The following NID1 variants were observed in gnomAD, a reference collection of about 807,000 sequenced individuals.
NID1 encodes nidogen-1.
Under a neutral mutation model 130.6 loss-of-function variants are expected in NID1, and 76 were observed. That is an observed-to-expected ratio of 0.58 (90% confidence interval 0.48 to 0.70). The LOEUF (loss-of-function observed/expected upper bound fraction) is 0.70. Ranked by LOEUF, NID1 falls within the 30% of genes least tolerant of loss-of-function variation. NID1 has a pLI of 0.00. For synonymous variants in NID1, 665 were observed against 675.1 expected (o/e 0.98, Z 0.23); for missense variants, 1,517 against 1,664.8 (o/e 0.91, Z 1.54).
chr1:236,044,468 C>G (rs1276148025), intron 3 of NID1, among the ~76,000 whole-genome samples: 1 of 152,094 alleles, frequency 6.6e-6, no homozygotes, highest in African/African-American at 2.4e-5. Flanking sequence ...TTTCTGAACT[C>G]TTCAATGAGT....
In NID1 at chr1:236,045,771, C is replaced by T. The variant is rs181471830; in HGVS notation, c.526-88G>A. ...TTCGCCAGACTATCTATAAAGCGTA[C>T]AGTGCTATAGAGCGATGGCAATATT... On this transcript the variant is annotated intron_variant, in intron 2 of 19. Coordinates refer to ENST00000264187, the MANE Select transcript of NID1 (RefSeq NM_002508.3). The T allele has an allele frequency of 1.4e-4, 142 of 1,031,076 alleles. 1 individual carries two copies. The highest frequency in any genetic ancestry group is 2.7e-5 in the Non-Finnish European group (19 of 698,340). The allele number at this position is 1,031,076 out of a possible 1,614,324, so 63.9% of individuals were successfully genotyped here. A position where few individuals can be genotyped will look rare whatever the true frequency, so the allele number is the denominator to read the frequency against.
intron 12 of NID1, among the ~76,000 whole-genome samples, chr1:236,011,658 C>A (rs577752923): frequency 2.3e-4 from 35 of 152,342 alleles, no homozygotes; most frequent in African/African-American, 8.4e-4. Flanking sequence ...CCCACCTCAA[C>A]AACCCTTAGA....
At chr1:236,045,414 A>G in intron 3 of NID1, 43 bp downstream of exon 3, 1 of 1,400,886 alleles carries the variant, frequency 7.1e-7, no homozygotes, top group East Asian at 2.3e-5. Flanking sequence ...CCACATTAAA[A>G]AATATTAAGA....
intron 11 of NID1, among the ~76,000 whole-genome samples, 169 bp from the exon 12 acceptor site, chr1:236,012,212 C>G (rs1275744598): frequency 6.6e-6 from 1 of 152,210 alleles, no homozygotes; most frequent in African/African-American, 2.4e-5. Context: ...TCCCCAATAT[C>G]TATCTGTCGT....
chr1:235,980,965 G>A (rs1352125085), intron 16 of NID1, among the ~76,000 whole-genome samples: 1 of 152,172 alleles, frequency 6.6e-6, no homozygotes, highest in Non-Finnish European at 1.5e-5. Flanking sequence ...TAAATATATG[G>A]AATTCCCTGC....
At chr1:236,029,140 G>A (rs929311446) in intron 7 of NID1, among the ~76,000 whole-genome samples, 5 of 151,056 alleles carry the variant, frequency 3.3e-5, no homozygotes, top group African/African-American at 1.2e-4. Context: ...TCGCACCACT[G>A]CACTCCAGCC....
intron 15 of NID1, among the ~76,000 whole-genome samples, chr1:235,983,542 T>C (rs1242307993): frequency 1.3e-5 from 2 of 152,128 alleles, no homozygotes; most frequent in African/African-American, 4.8e-5. Flanking sequence ...CACTCAGATA[T>C]ACGCAAATAA....
intron 5 of NID1, among the ~76,000 whole-genome samples, chr1:236,035,140 C>T (rs1191923106): frequency 9.5e-6 from 1 of 105,170 alleles, no homozygotes; most frequent in Admixed American, 1.0e-4. Flanking sequence ...CTATCCCTCC[C>T]CCCTCCCCCC....
At chr1:236,029,841 G>A in intron 6 of NID1, 91 bp from the exon 7 acceptor site, 7 of 1,232,940 alleles carry the variant, frequency 5.7e-6, no homozygotes, top group Non-Finnish European at 8.2e-6. Context: ...GGGTTGGTGC[G>A]AACGCTTCTG....
intron 12 of NID1, among the ~76,000 whole-genome samples, chr1:236,008,222 A>G (rs1437961598): frequency 6.6e-6 from 1 of 152,236 alleles, no homozygotes; most frequent in East Asian, 1.9e-4. Context: ...TAACTTCACA[A>G]TCCATACACA....
chr1:236,000,412 A>G (rs957368166), intron 12 of NID1, among the ~76,000 whole-genome samples: 1 of 152,198 alleles, frequency 6.6e-6, no homozygotes, highest in Non-Finnish European at 1.5e-5. Context: ...TTTTTAGATA[A>G]TAACTCAACC....
At chr1:236,010,598 C>T (rs756986444) in intron 12 of NID1, among the ~76,000 whole-genome samples, 11 of 152,214 alleles carry the variant, frequency 7.2e-5, no homozygotes, top group Admixed American at 1.3e-4. Flanking sequence ...TGGCACCCAG[C>T]CTATTTATGC....
chr1:236,054,148 T>C (rs1659833098), intron 1 of NID1, among the ~76,000 whole-genome samples: 1 of 152,174 alleles, frequency 6.6e-6, no homozygotes, highest in East Asian at 1.9e-4. Context: ...GGGGAGGACC[T>C]ATAGATTTTA....
At position 235,979,258 on chromosome 1, in the gene NID1, G is replaced by T; in HGVS notation, c.3510-151C>A. The T allele has an allele frequency of 1.6e-6, 1 of 629,100 alleles. No homozygotes were observed. The highest frequency in any genetic ancestry group is 2.7e-5 in the Admixed American group (1 of 37,176). 39.0% of individuals were successfully genotyped at this position (629,100 alleles called of 1,614,324 possible). On this transcript the variant is annotated intron_variant, in intron 18 of 19. Coordinates refer to ENST00000264187, the MANE Select transcript of NID1 (RefSeq NM_002508.3). The surrounding 1 kb of genome is among the most constrained non-coding windows in gnomAD (Gnocchi z 4.6). ...TCCTAGACATCCCTTCCTTCCCCTG[G>T]GGTGGGTCAAGCCTGCATTTCTCTG... is the stretch of plus-strand genomic sequence containing the variant.
intron 4 of NID1, among the ~76,000 whole-genome samples, chr1:236,040,413 G>A (rs746837002): frequency 3.9e-5 from 6 of 152,174 alleles, no homozygotes; most frequent in Non-Finnish European, 8.8e-5. Flanking sequence ...GGATACTCGT[G>A]AGAACAAGCG....
chr1:236,059,746 C>A (rs1406669665), intron 1 of NID1, among the ~76,000 whole-genome samples: 1 of 152,088 alleles, frequency 6.6e-6, no homozygotes, highest in Non-Finnish European at 1.5e-5. Context: ...TTGGATCTTG[C>A]ACAAGAAAGA....
chr1:236,045,871 A>T (rs938547147), intron 2 of NID1, among the ~76,000 whole-genome samples, 188 bp from the exon 3 acceptor site: 17 of 152,222 alleles, frequency 1.1e-4, no homozygotes, highest in African/African-American at 3.6e-4. Context: ...AAATATCCCT[A>T]AGGCTATGTC....
chr1:236,060,947 T>C lies in NID1; in HGVS notation c.225+3908A>G, dbSNP rs534558184. Among the ~76,000 whole-genome samples, 4 of 152,272 alleles carry C rather than the reference T, an allele frequency of 2.6e-5. No individual in the cohort carries two copies. The South Asian group carries it at 8.3e-4, about 32-fold the overall frequency. ...GATATCAGAAGTTTACCTGTGGCAA[T>C]TGGAGCCTAGTACTGTATTACACAA... On this transcript the variant is annotated intron_variant, in intron 1 of 19. Transcript: ENST00000264187.
chr1:236,022,906 A>T (rs1265208238), intron 9 of NID1, among the ~76,000 whole-genome samples: 1 of 151,754 alleles, frequency 6.6e-6, no homozygotes, highest in Non-Finnish European at 1.5e-5. Context: ...TACTAAAAAT[A>T]CAAAAATTAG....
Sources: allele counts gnomAD v4.1 joint callset (sites outside exome capture counted in the v4.1 genomes callset), GRCh38; gene constraint gnomAD v4.1.1; non-coding constraint Gnocchi (gnomAD v3.1); transcripts MANE v1.5; gene names NCBI Gene and HGNC (gene_info 2026-07-23, HGNC 2026-07-21).